Variants in XPO4 observed in about 807,000 individuals in gnomAD.
XPO4 encodes exportin 4.
Under a neutral mutation model 143.0 loss-of-function variants are expected in XPO4, and 39 were observed. That is an observed-to-expected ratio of 0.27 (90% CI 0.21 to 0.36). XPO4 has a LOEUF of 0.36. Among genes scored for constraint, XPO4 ranks in the 10% least tolerant of loss-of-function variants. The pLI is 1.00. For synonymous variants in XPO4, 439 were observed against 474.0 expected, an observed-to-expected ratio of 0.93 and a Z score of 0.96; for missense variants, 907 against 1,348.0, an observed-to-expected ratio of 0.67 and a Z score of 5.12.
chr13:20,793,710 C>T (rs947153612), intron 18 of XPO4, among the ~76,000 whole-genome samples: 4 of 152,116 alleles, frequency 2.6e-5, no homozygotes, highest in African/African-American at 7.2e-5. Flanking sequence ...CCCACCACCA[C>T]CATGCCTGGC....
intron 22 of XPO4, among the ~76,000 whole-genome samples, chr13:20,786,049 CAAGT>C (rs2059201301): frequency 6.6e-6 from 1 of 151,750 alleles, no homozygotes; most frequent in Non-Finnish European, 1.5e-5. Context: ...TAGTAAGCAA[CAAGT>C]AAGACAAATG....
intron 13 of XPO4, among the ~76,000 whole-genome samples, chr13:20,802,827 T>C (rs559906148): frequency 2.3e-4 from 35 of 152,330 alleles, no homozygotes; most frequent in African/African-American, 8.4e-4. Flanking sequence ...CCATTAAGTG[T>C]TTAAAAATGT....
At chr13:20,856,213 G>T (rs1371760284) in intron 3 of XPO4, 13 of 483,676 alleles carry the variant, frequency 2.7e-5, no homozygotes, top group Non-Finnish European at 3.5e-5. Context: ...TCTAACCTAC[G>T]TCTACAACTA....
At chr13:20,857,024 A>T in intron 3 of XPO4, 9 of 323,712 alleles carry the variant, frequency 2.8e-5, no homozygotes, top group Non-Finnish European at 3.6e-5. Context: ...TATACAGATG[A>T]ATAAATATGT....
At chr13:20,866,357 G>A (rs9509406) in intron 2 of XPO4, 447,889 of 982,506 alleles carry the variant, frequency 0.46, 106,861 homozygotes, top group Non-Finnish European at 0.49. Context: ...TTAGAAGTGA[G>A]AAGGAAGAAT....
At position 20,837,212 on chromosome 13, in the gene XPO4, C is replaced by T. The variant is rs146596918; in HGVS notation, c.727+5683G>A. Among the ~76,000 whole-genome samples, 12 of 152,152 alleles carry T rather than the reference C, an allele frequency of 7.9e-5. No homozygotes were observed. The East Asian group carries it at 2.3e-3, about 29-fold the overall frequency. ...CCAATAATTGCTTGTGTGGGGCTGT[C>T]CCGTGCTTTGTAGGATGTTTAGGAT... On this transcript the variant is annotated intron_variant, in intron 6 of 22. Coordinates refer to ENST00000255305, the MANE Select transcript of XPO4 (RefSeq NM_022459.5).
intron 3 of XPO4, among the ~76,000 whole-genome samples, chr13:20,862,487 T>G (rs1390160171): frequency 6.6e-6 from 1 of 152,118 alleles, no homozygotes; most frequent in Admixed American, 6.5e-5. Flanking sequence ...CTTTTTAAAT[T>G]TTTTTTCTTT....
chr13:20,815,087 T>C (rs1383929515), intron 9 of XPO4, among the ~76,000 whole-genome samples: 1 of 152,110 alleles, frequency 6.6e-6, no homozygotes, highest in African/African-American at 2.4e-5. Flanking sequence ...CACTACACGA[T>C]TCCAACTACA....
At chr13:20,902,457 CA>C (rs1269548922) in intron 1 of XPO4, 2 of 985,296 alleles carry the variant, frequency 2.0e-6, no homozygotes, top group Admixed American at 6.2e-5. Context: ...GCTGGGCAGC[CA>C]GGGGAAGGGG....
intron 16 of XPO4, among the ~76,000 whole-genome samples, chr13:20,798,152 G>T (rs1196246804): frequency 1.3e-5 from 2 of 151,894 alleles, no homozygotes; most frequent in African/African-American, 4.8e-5. Context: ...CAAAAAAAAA[G>T]AAAATAGGGT....
chr13:20,833,342 G>A (rs993092433), intron 6 of XPO4, among the ~76,000 whole-genome samples: 4 of 152,106 alleles, frequency 2.6e-5, no homozygotes, highest in Non-Finnish European at 4.4e-5. Flanking sequence ...ATATCCGGAG[G>A]GGGACTGGTT....
At chr13:20,858,305 TG>T (rs2060163708) in intron 3 of XPO4, among the ~76,000 whole-genome samples, 2 of 152,186 alleles carry the variant, frequency 1.3e-5, no homozygotes, top group Middle Eastern at 3.2e-3. Flanking sequence ...GAATCAGAAT[TG>T]TTAGATCATA....
chr13:20,780,533 T>G lies in XPO4; in HGVS notation c.*3189A>C, dbSNP rs974409580. On this transcript the variant is annotated 3_prime_UTR_variant, in exon 23 of 23. Coordinates refer to ENST00000255305, the MANE Select transcript of XPO4 (RefSeq NM_022459.5). ...TAATGCTGACTGGGGGGAAATGATA[T>G]AGATACTTGCTTTTCAAATGAAAAT... is the stretch of plus-strand genomic sequence containing the variant. 6.6e-6 allele frequency: 1 copy of G among 152,198 alleles called. No individual in the cohort carries two copies. The highest frequency in any genetic ancestry group is 1.5e-5 in the Non-Finnish European group (1 of 68,040). The allele number at this position is 152,198 out of a possible 1,614,324, so 9.4% of individuals were successfully genotyped here. A position where few individuals can be genotyped will look rare whatever the true frequency, so the allele number is the denominator to read the frequency against.
At chr13:20,826,158 CAT>C (rs2059782072) in intron 7 of XPO4, among the ~76,000 whole-genome samples, 1 of 152,202 alleles carries the variant, frequency 6.6e-6, no homozygotes, top group African/African-American at 2.4e-5. Context: ...TAAACACACA[CAT>C]ATGAATTGTT....
At chr13:20,851,374 T>C (rs2060084099) in intron 4 of XPO4, 2 of 985,262 alleles carry the variant, frequency 2.0e-6, no homozygotes, top group Admixed American at 6.2e-5. Context: ...CCCACTGAAG[T>C]ATACTGATTT....
chr13:20,827,226 A>G, intron 6 of XPO4, 47 bp from the exon 7 acceptor site: 4 of 1,361,756 alleles, frequency 2.9e-6, no homozygotes, highest in Non-Finnish European at 4.2e-6. Context: ...TACTTTGTCT[A>G]AAGTATAAGT....
At chr13:20,870,729 CAA>C (rs35888695) in intron 1 of XPO4, among the ~76,000 whole-genome samples, 1 of 137,596 alleles carries the variant, frequency 7.3e-6, no homozygotes, top group Non-Finnish European at 1.6e-5. Flanking sequence ...GACTCTGCCT[CAA>C]AAAAAAAAAA....
In XPO4 at chr13:20,852,675, T is replaced by C. The variant is rs1002612570; in HGVS notation, c.456+2952A>G. Reference sequence around the variant, plus strand: ...ATGATTATGAATATTTATGGCAACATGGAAAATACAGAATCAAATGAGAAA... The same window carrying C: ...ATGATTATGAATATTTATGGCAACACGGAAAATACAGAATCAAATGAGAAA... On this transcript the variant is annotated intron_variant, in intron 4 of 22. Coordinates refer to ENST00000255305, the MANE Select transcript of XPO4 (RefSeq NM_022459.5). The C allele has an allele frequency of 2.9e-5, 28 of 975,650 alleles. No individual in the cohort carries two copies. The African/African-American group carries it at 3.9e-4, about 13-fold the overall frequency. The allele number at this position is 975,650 out of a possible 1,614,324, so 60.4% of individuals were successfully genotyped here. A position where few individuals can be genotyped will look rare whatever the true frequency, so the allele number is the denominator to read the frequency against.
chr13:20,793,970 T>C (rs933245957), intron 18 of XPO4, among the ~76,000 whole-genome samples: 6 of 152,156 alleles, frequency 3.9e-5, no homozygotes, highest in Non-Finnish European at 1.5e-5. Context: ...AGTTCTGATT[T>C]CCTAAAGGGG....
Sources: allele counts gnomAD v4.1 joint callset (sites outside exome capture counted in the v4.1 genomes callset), GRCh38; gene constraint gnomAD v4.1.1; transcripts MANE v1.5; gene names NCBI Gene and HGNC (gene_info 2026-07-23, HGNC 2026-07-21).